Variants in RALYL observed in about 807,000 individuals in gnomAD.
The protein encoded by RALYL is RALY RNA binding protein like, also known as RNA-binding Raly-like protein.
Under a neutral mutation model 35.1 loss-of-function variants are expected in RALYL, and 29 were observed. That is an observed-to-expected ratio of 0.83 (90% CI 0.61 to 1.13). The LOEUF (loss-of-function observed/expected upper bound fraction) is 1.13. Among genes scored for constraint, RALYL ranks in the 50% most tolerant of loss-of-function variants. RALYL has a pLI of 0.00. For synonymous variants in RALYL, 120 were observed against 127.6 expected (o/e 0.94, Z 0.40); for missense variants, 359 against 360.4 (o/e 1.00, Z 0.03).
intron 2 of RALYL, among the ~76,000 whole-genome samples, chr8:84,668,388 TGTG>T (rs761394261): frequency 3.9e-5 from 6 of 152,142 alleles, no homozygotes; most frequent in Non-Finnish European, 7.4e-5. Flanking sequence ...CTTTGGTGTG[TGTG>T]TACGTATGTA....
chr8:84,414,654 G>A (rs1167096541), intron 1 of RALYL, among the ~76,000 whole-genome samples: 2 of 152,150 alleles, frequency 1.3e-5, no homozygotes, highest in Non-Finnish European at 2.9e-5. Context: ...AAAATGCTGA[G>A]TGCCATTTTG....
At chr8:84,199,073 C>T (rs1026612756) in intron 1 of RALYL, among the ~76,000 whole-genome samples, 3 of 152,066 alleles carry the variant, frequency 2.0e-5, no homozygotes, top group South Asian at 2.1e-4. Flanking sequence ...ACCTCCAAAC[C>T]GTTTTCCATA....
chr8:84,854,100 C>T (rs927563621), intron 5 of RALYL, among the ~76,000 whole-genome samples: 3 of 152,146 alleles, frequency 2.0e-5, no homozygotes, highest in Non-Finnish European at 4.4e-5. Context: ...GATCCCAGCA[C>T]TTTGGGAGGC....
chr8:84,653,050 G>A (rs1387696741), intron 2 of RALYL, among the ~76,000 whole-genome samples: 2 of 152,024 alleles, frequency 1.3e-5, no homozygotes, highest in African/African-American at 4.8e-5. Flanking sequence ...ATACCAGTTA[G>A]TCCAATGCTA....
intron 1 of RALYL, among the ~76,000 whole-genome samples, chr8:84,470,741 C>T (rs1183806688): frequency 6.6e-6 from 1 of 152,170 alleles, no homozygotes; most frequent in East Asian, 1.9e-4. Context: ...GTTCCAGAGC[C>T]TGCCTCTTTA....
intron 1 of RALYL, among the ~76,000 whole-genome samples, chr8:84,283,923 G>T (rs1837101149): frequency 6.6e-6 from 1 of 151,730 alleles, no homozygotes; most frequent in Non-Finnish European, 1.5e-5. Flanking sequence ...AAAAGGTATT[G>T]GTTATATGTA....
At chr8:84,308,296 A>G (rs1012085058) in intron 1 of RALYL, among the ~76,000 whole-genome samples, 19 of 152,222 alleles carry the variant, frequency 1.2e-4, no homozygotes, top group Admixed American at 1.0e-3. Context: ...TGTGAAGCAC[A>G]TACCAGAGTG....
At chr8:84,223,409 T>A (rs1275419079) in intron 1 of RALYL, among the ~76,000 whole-genome samples, 1 of 152,136 alleles carries the variant, frequency 6.6e-6, no homozygotes, top group Non-Finnish European at 1.5e-5. Context: ...AATAAAAGCA[T>A]TTGCCTTTTT....
At chr8:84,362,363 T>G (rs575375090) in intron 1 of RALYL, among the ~76,000 whole-genome samples, 1 of 152,136 alleles carries the variant, frequency 6.6e-6, no homozygotes, top group African/African-American at 2.4e-5. Flanking sequence ...GCAATTTTTC[T>G]TATGGGATCA....
rs1270504702 is a variant in RALYL, at chr8:84,617,505, G to C, written c.256+87928G>C. ...AGGAGATTTTGGGCTGAGACAATGG[G>C]GTTTTCTAGGTATACAATCATGTCA... On this transcript the variant is annotated intron_variant, in intron 2 of 8. Transcript: ENST00000521268. Among the ~76,000 whole-genome samples the C allele has an allele frequency of 4.7e-5, 7 of 150,090 alleles. 1 individual carries two copies. Among genetic ancestry groups the C allele is most frequent in the African/African-American group, 1.8e-4 (7 of 39,892 alleles).
intron 1 of RALYL, among the ~76,000 whole-genome samples, chr8:84,502,743 A>T (rs1204777435): frequency 6.6e-6 from 1 of 152,000 alleles, no homozygotes; most frequent in Non-Finnish European, 1.5e-5. Context: ...ACCAACTACT[A>T]TTTATTGGAG....
At chr8:84,649,587 T>G (rs1264656170) in intron 2 of RALYL, among the ~76,000 whole-genome samples, 1 of 152,148 alleles carries the variant, frequency 6.6e-6, no homozygotes, top group Admixed American at 6.6e-5. Context: ...GATCAGATAG[T>G]TGTAGATATG....
At chr8:84,268,695 C>T (rs965609722) in intron 1 of RALYL, among the ~76,000 whole-genome samples, 1 of 152,136 alleles carries the variant, frequency 6.6e-6, no homozygotes, top group Non-Finnish European at 1.5e-5. Context: ...CTCCTTTCTA[C>T]TGAGAGTGAT....
chr8:84,302,019 C>T (rs913929569), intron 1 of RALYL, among the ~76,000 whole-genome samples: 1 of 152,046 alleles, frequency 6.6e-6, no homozygotes, highest in Non-Finnish European at 1.5e-5. Flanking sequence ...AATTACAAAT[C>T]AAGTCTTTAC....
At chr8:84,543,415 T>C (rs1010067003) in intron 2 of RALYL, among the ~76,000 whole-genome samples, 12 of 151,952 alleles carry the variant, frequency 7.9e-5, no homozygotes, top group African/African-American at 2.9e-4. Context: ...GGTGTATCAC[T>C]TTACAAAATC....
At chr8:84,334,402 A>T (rs1400097812) in intron 1 of RALYL, among the ~76,000 whole-genome samples, 1 of 151,926 alleles carries the variant, frequency 6.6e-6, no homozygotes, top group Non-Finnish European at 1.5e-5. Flanking sequence ...TATATAGAGA[A>T]ATAAATTTAG....
intron 1 of RALYL, among the ~76,000 whole-genome samples, chr8:84,441,044 TTTTG>T (rs1159024672): frequency 2.0e-5 from 3 of 152,068 alleles, no homozygotes; most frequent in African/African-American, 7.2e-5. Flanking sequence ...AGTTTCAGGA[TTTTG>T]TTTGTTTATA....
intron 4 of RALYL, among the ~76,000 whole-genome samples, chr8:84,809,734 A>G (rs976114043): frequency 2.6e-5 from 4 of 152,012 alleles, no homozygotes; most frequent in African/African-American, 7.2e-5. Flanking sequence ...TCAGGAATTT[A>G]TCCATCTGTT....
At chr8:84,346,212 CA>C (rs776517680) in intron 1 of RALYL, 9 of 303,108 alleles carry the variant, frequency 3.0e-5, no homozygotes, top group Admixed American at 6.5e-5. Context: ...TGTATTTAAG[CA>C]AATTGATAAC....
Sources: gnomAD v4.1 joint callset for allele counts (sites outside exome capture counted in the v4.1 genomes callset) on GRCh38, gnomAD v4.1.1 for gene constraint, MANE v1.5 for transcripts, NCBI Gene and HGNC (gene_info 2026-07-23, HGNC 2026-07-21) for gene names.